The following BRAF variants were observed in gnomAD, a reference collection of about 807,000 sequenced individuals.
The protein encoded by BRAF is serine/threonine-protein kinase B-raf.
Under a neutral mutation model 104.6 loss-of-function variants are expected in BRAF, and 16 were observed. The observed-to-expected ratio is 0.15, with a 90% CI of 0.10 to 0.23. The LOEUF (loss-of-function observed/expected upper bound fraction) is 0.23. Among genes scored for constraint, BRAF ranks in the 10% least tolerant of loss-of-function variants. BRAF has a pLI of 1.00. For synonymous variants in BRAF, 310 were observed against 341.6 expected, an observed-to-expected ratio of 0.91 and a Z score of 1.02; for missense variants, 541 against 937.3, an observed-to-expected ratio of 0.58 and a Z score of 5.52.
At chr7:140,798,429 T>C (rs1055311705) in intron 7 of BRAF, among the ~76,000 whole-genome samples, 1 of 151,236 alleles carries the variant, frequency 6.6e-6, no homozygotes, top group African/African-American at 2.4e-5. Flanking sequence ...GCTAATTTTG[T>C]TTTTGTATTT....
chr7:140,752,663 A>C (rs1797882918), intron 16 of BRAF, among the ~76,000 whole-genome samples: 1 of 152,200 alleles, frequency 6.6e-6, no homozygotes, highest in Non-Finnish European at 1.5e-5. Context: ...CAAGGCTGTT[A>C]ATCTACCTCT....
chr7:140,828,368 A>G (rs891755269), intron 3 of BRAF, among the ~76,000 whole-genome samples: 1 of 152,158 alleles, frequency 6.6e-6, no homozygotes, highest in Non-Finnish European at 1.5e-5. Context: ...ATCAGCTCCT[A>G]TGCTTTTCTG....
Position 140,723,420 on chromosome 7 carries a change from G to C in BRAF, c.*3074C>G. The C allele has an allele frequency of 9.5e-7, 1 of 1,054,838 alleles. No homozygotes were observed. The allele number at this position is 1,054,838 out of a possible 1,614,324, so 65.3% of individuals were successfully genotyped here. On this transcript the variant is annotated 3_prime_UTR_variant, in exon 20 of 20. Coordinates refer to ENST00000644969, the MANE Select transcript of BRAF (RefSeq NM_001374258.1). Reference sequence around the variant, plus strand: ...GGATTTTATCTTCTAAAATGCCCCAGTATGCCCTACTAGATCTCAAATACA... The same window carrying C: ...GGATTTTATCTTCTAAAATGCCCCACTATGCCCTACTAGATCTCAAATACA...
At chr7:140,831,517 G>A (rs1290136025) in intron 3 of BRAF, among the ~76,000 whole-genome samples, 1 of 152,052 alleles carries the variant, frequency 6.6e-6, no homozygotes, top group East Asian at 1.9e-4. Flanking sequence ...CTTTTTCATG[G>A]AATAAATGCT....
At chr7:140,766,484 GA>G (rs1799337219) in intron 14 of BRAF, among the ~76,000 whole-genome samples, 1 of 150,556 alleles carries the variant, frequency 6.6e-6, no homozygotes, top group African/African-American at 2.5e-5. Context: ...TAAACATACA[GA>G]AAAATGGAAA....
chr7:140,844,202 T>G (rs1808305474), intron 2 of BRAF, among the ~76,000 whole-genome samples: 1 of 151,880 alleles, frequency 6.6e-6, no homozygotes, highest in Non-Finnish European at 1.5e-5. Context: ...GGGCGCACCC[T>G]TCTATAGACG....
chr7:140,769,695 T>G (rs898648445), intron 14 of BRAF, among the ~76,000 whole-genome samples: 1 of 152,216 alleles, frequency 6.6e-6, no homozygotes, highest in Non-Finnish European at 1.5e-5. Context: ...TGAACATGTT[T>G]CCAATTTTTC....
At chr7:140,782,499 T>C (rs1199625764) in intron 11 of BRAF, among the ~76,000 whole-genome samples, 1 of 152,068 alleles carries the variant, frequency 6.6e-6, no homozygotes, top group Admixed American at 6.5e-5. Flanking sequence ...AAAATTACTT[T>C]GGTAGGGTAA....
chr7:140,795,549 G>GA (rs1562963656), intron 7 of BRAF, among the ~76,000 whole-genome samples: 2 of 152,088 alleles, frequency 1.3e-5, no homozygotes, highest in South Asian at 2.1e-4. Flanking sequence ...TGAGGAATGG[G>GA]AAAAAAATAT....
chr7:140,850,279 T>C (rs1056896789), intron 1 of BRAF, 67 bp from the exon 2 acceptor site: 16 of 1,242,824 alleles, frequency 1.3e-5, no homozygotes, highest in Middle Eastern at 2.0e-4. Context: ...TATTTTAACA[T>C]AGACAACTAC....
chr7:140,800,526 A>G, intron 6 of BRAF, 45 bp from the exon 7 acceptor site: 3 of 1,613,778 alleles, frequency 1.9e-6, no homozygotes, highest in African/African-American at 1.3e-5. Flanking sequence ...AAAACCCAGA[A>G]GCTTCATATA....
chr7:140,718,198 G>A (rs576504440), downstream of BRAF, among the ~76,000 whole-genome samples: 6 of 152,258 alleles, frequency 3.9e-5, no homozygotes, highest in East Asian at 1.9e-4. Flanking sequence ...AGGTTCAAGC[G>A]ATTCTCCTGC....
intron 2 of BRAF, among the ~76,000 whole-genome samples, chr7:140,846,505 G>T (rs917856039): frequency 6.6e-6 from 1 of 152,162 alleles, no homozygotes; most frequent in Admixed American, 6.5e-5. Context: ...AATGGTGGTT[G>T]CTACGAACTA....
Position 140,720,146 on chromosome 7 carries a change from T to C in BRAF, c.*6348A>G. 9.4e-7 allele frequency: 1 copy of C among 1,061,550 alleles called. No homozygotes were observed. The allele number at this position is 1,061,550 out of a possible 1,614,324, so 65.8% of individuals were successfully genotyped here. ...GATCAAATTCAATCCCCTGATCAGT[T>C]GTATGATCCTATCTTAGGAAAGGCA... On this transcript the variant is annotated 3_prime_UTR_variant, in exon 20 of 20. Transcript: ENST00000644969.
chr7:140,772,495 G>A (rs1343384916), intron 14 of BRAF, among the ~76,000 whole-genome samples: 2 of 152,006 alleles, frequency 1.3e-5, no homozygotes, highest in South Asian at 2.1e-4. Flanking sequence ...GTGATGGTGC[G>A]CCCTTGTAGT....
intron 1 of BRAF, among the ~76,000 whole-genome samples, chr7:140,874,066 T>C (rs1260470854): frequency 6.6e-6 from 1 of 152,164 alleles, no homozygotes; most frequent in African/African-American, 2.4e-5. Context: ...TTCAAAGATT[T>C]AGTCCAACTA....
chr7:140,841,324 G>C (rs2129067393), intron 2 of BRAF, among the ~76,000 whole-genome samples: 1 of 152,254 alleles, frequency 6.6e-6, no homozygotes, highest in African/African-American at 2.4e-5. Context: ...TTGAAAAACT[G>C]TCTGGCAGTT....
intron 5 of BRAF, among the ~76,000 whole-genome samples, chr7:140,801,798 T>C (rs913693128): frequency 2.0e-5 from 3 of 151,738 alleles, no homozygotes; most frequent in Admixed American, 2.0e-4. Context: ...AAATGAGAAA[T>C]GAGTAAAAGG....
chr7:140,722,214 T>C lies in BRAF; in HGVS notation c.*4280A>G. 2 of 1,056,544 alleles carry C rather than the reference T, an allele frequency of 1.9e-6. No homozygotes were observed. The highest frequency in any genetic ancestry group is 2.3e-6 in the Non-Finnish European group (2 of 873,522). 65.4% of individuals were successfully genotyped at this position (1,056,544 alleles called of 1,614,324 possible). A position where few individuals can be genotyped will look rare whatever the true frequency, so the allele number is the denominator to read the frequency against. On this transcript the variant is annotated 3_prime_UTR_variant, in exon 20 of 20. Coordinates refer to ENST00000644969, the MANE Select transcript of BRAF (RefSeq NM_001374258.1). ...ATATCTGACTATACTAGGGATTATG[T>C]GCTTTAAAAAAATAATTTTGTTCAC...
Sources: gnomAD v4.1 joint callset for allele counts (sites outside exome capture counted in the v4.1 genomes callset) on GRCh38, gnomAD v4.1.1 for gene constraint, MANE v1.5 for transcripts, NCBI Gene and HGNC (gene_info 2026-07-23, HGNC 2026-07-21) for gene names.